The following GRM4 variants were observed in gnomAD, a reference collection of about 807,000 sequenced individuals.
GRM4 encodes glutamate metabotropic receptor 4, also known as metabotropic glutamate receptor 4.
GRM4 carries 28 observed loss-of-function variants against 81.7 expected under a neutral mutation model. The ratio of observed to expected loss-of-function variants is 0.34; its 90% CI spans 0.25 to 0.47. The LOEUF (loss-of-function observed/expected upper bound fraction) is 0.47. Among genes scored for constraint, GRM4 ranks in the 20% least tolerant of loss-of-function variants. The pLI is 1.00. For synonymous variants in GRM4, 488 were observed against 528.8 expected, an observed-to-expected ratio of 0.92 and a Z score of 1.06; for missense variants, 948 against 1,290.0, an observed-to-expected ratio of 0.73 and a Z score of 4.06.
intron 2 of GRM4, among the ~76,000 whole-genome samples, chr6:34,131,624 C>A (rs188355415): frequency 6.2e-4 from 94 of 152,314 alleles, no homozygotes; most frequent in African/African-American, 2.2e-3. Flanking sequence ...CTCACCCCCA[C>A]CCCAACACTG....
rs372450017 is a variant in GRM4 at position 34,042,668 on chromosome 6, C to G, written c.1169-1920G>C. Among the ~76,000 whole-genome samples, 1 of 152,216 alleles carries G rather than the reference C, an allele frequency of 6.6e-6. No homozygotes were observed. Among genetic ancestry groups the G allele is most frequent in the East Asian group, 1.9e-4 (1 of 5,202 alleles). ...CAGAGGGCAGCAGGGTGCACACCTG[C>G]ACCTGTGTCCTGCCCCCATAGGCCA... On this transcript the variant is annotated intron_variant, in intron 6 of 10. Transcript: ENST00000538487. This position sits in a 1 kb window ranked among gnomAD's most constrained non-coding sequence, Gnocchi z 4.2.
Position 34,120,846 on chromosome 6 carries a change from G to A in GRM4, c.519+12132C>T, listed in dbSNP as rs181799492. On this transcript the variant is annotated intron_variant, in intron 2 of 10. Transcript: ENST00000538487. ...CCTGACCTTGTGATCCGCCCACCTC[G>A]GCCTCCCAAAGTGCTTGGATTACAG... is the stretch of plus-strand genomic sequence containing the variant. Among the ~76,000 whole-genome samples, 9 of 152,212 alleles carry A rather than the reference G, an allele frequency of 5.9e-5. No homozygotes were observed. In the East Asian group the frequency reaches 9.7e-4, roughly 16 times the overall value.
chr6:34,033,824 G>A (rs556601916), intron 9 of GRM4, among the ~76,000 whole-genome samples: 85 of 151,996 alleles, frequency 5.6e-4, no homozygotes, highest in African/African-American at 2.0e-3. Context: ...TGCAACCTCC[G>A]TCTCCCAAGT....
intron 10 of GRM4, 143 bp downstream of exon 10, chr6:34,027,977 G>A: frequency 2.2e-6 from 2 of 900,558 alleles, no homozygotes; most frequent in Non-Finnish European, 3.3e-6. Context: ...TGTAGCCTCA[G>A]GGTTCCCCCA....
chr6:34,091,374 C>T (rs1265745256), intron 3 of GRM4, among the ~76,000 whole-genome samples: 3 of 152,140 alleles, frequency 2.0e-5, no homozygotes, highest in Non-Finnish European at 4.4e-5. Flanking sequence ...GCCAGAGTTC[C>T]TCAAACCCCA....
chr6:34,079,724 G>A (rs990510926), intron 3 of GRM4, among the ~76,000 whole-genome samples: 3 of 152,058 alleles, frequency 2.0e-5, no homozygotes, highest in African/African-American at 7.2e-5. Context: ...GCCTGGCCCC[G>A]CAACCCCTCA....
rs78934045 is a variant in GRM4, at chr6:34,064,182, G to T, written c.737-2154C>A. ...GTTTGATATTCTTGCAACTGCAAGAGATTCAGACCAGAAGGGAGTGCGGGG... is the reference window on the plus strand; with the variant it reads ...GTTTGATATTCTTGCAACTGCAAGATATTCAGACCAGAAGGGAGTGCGGGG... On this transcript the variant is annotated intron_variant, in intron 3 of 10. Transcript: ENST00000538487. This position sits in a 1 kb window ranked among gnomAD's most constrained non-coding sequence, Gnocchi z 4.4. Among the ~76,000 whole-genome samples the T allele has an allele frequency of 0.015, 2,320 of 152,240 alleles. 45 individuals carry two copies. Among genetic ancestry groups the T allele is most frequent in the African/African-American group, 0.05 (2,087 of 41,532 alleles).
In GRM4 at chr6:34,091,871, C is replaced by T. The variant is rs769253602; in HGVS notation, c.736+12G>A. ...AGCCTGGCATGACTCTGCGGCCAGG[C>T]GTTTGACTCACCGTCCTCACGGGAC... On this transcript the variant is annotated intron_variant, in intron 3 of 10. Transcript: ENST00000538487. 2.5e-5 allele frequency: 40 copies of T among 1,592,056 alleles called. No individual in the cohort carries two copies. The highest frequency in any genetic ancestry group is 3.4e-5 in the Non-Finnish European group (39 of 1,162,352).
intron 3 of GRM4, among the ~76,000 whole-genome samples, chr6:34,081,756 C>G (rs1020999314): frequency 6.6e-6 from 1 of 152,120 alleles, no homozygotes; most frequent in African/African-American, 2.4e-5. Context: ...AGGAAGGAAA[C>G]GGTGGGTTCA....
intron 2 of GRM4, among the ~76,000 whole-genome samples, chr6:34,100,383 T>C (rs1265535817): frequency 6.6e-6 from 1 of 152,232 alleles, no homozygotes; most frequent in Non-Finnish European, 1.5e-5. Context: ...CCCTCTGTGA[T>C]GGAGAGTGCA....
rs556369395 is a variant in GRM4, at chr6:34,140,301, C to A, written c.-364+5699G>T. 4.7e-5 allele frequency among the ~76,000 whole-genome samples: 7 copies of A among 149,702 alleles called. No homozygotes were observed. The South Asian group carries it at 1.5e-3, about 32-fold the overall frequency. Reference sequence around the variant, plus strand: ...GTTCGAGAATGAGCAAGGAGGCCAACGTGACCAGGGGGCAGTGGGGAGAGG... The same window carrying A: ...GTTCGAGAATGAGCAAGGAGGCCAAAGTGACCAGGGGGCAGTGGGGAGAGG... On this transcript the variant is annotated intron_variant, in intron 1 of 10. Transcript: ENST00000538487.
At chr6:34,033,895 G>GCCTGGATA (rs1764566639) in intron 9 of GRM4, among the ~76,000 whole-genome samples, 1 of 152,048 alleles carries the variant, frequency 6.6e-6, no homozygotes, top group African/African-American at 2.4e-5. Context: ...AAGCCACCAT[G>GCCTGGATA]CCTGGCTACG....
At chr6:34,122,018 G>A (rs1001425433) in intron 2 of GRM4, among the ~76,000 whole-genome samples, 4 of 152,048 alleles carry the variant, frequency 2.6e-5, no homozygotes, top group Admixed American at 6.5e-5. Context: ...TGAGATGCCC[G>A]AGGCCGTAAT....
chr6:34,142,336 C>T (rs1205848507), intron 1 of GRM4, among the ~76,000 whole-genome samples: 1 of 152,336 alleles, frequency 6.6e-6, no homozygotes, highest in East Asian at 1.9e-4. Flanking sequence ...GCCCAGCTGT[C>T]CAGGCTGCCA....
At position 34,092,974 on chromosome 6, in the gene GRM4, CCG is replaced by C. The variant is rs909664881; in HGVS notation, c.520-877_520-876del. On this transcript the variant is annotated intron_variant, in intron 2 of 10. Transcript: ENST00000538487. The surrounding 1 kb of genome is among the most constrained non-coding windows in gnomAD (Gnocchi z 6.8). ...GGGCGCCACCCACTGCTCTGCTCTC[CCG>C]GCTGCTCAGGGCTTGTGGGCTCCAC... Among the ~76,000 whole-genome samples, 7 of 152,274 alleles carry C rather than the reference CCG, an allele frequency of 4.6e-5. No individual in the cohort carries two copies. Among genetic ancestry groups the C allele is most frequent in the African/African-American group, 1.7e-4 (7 of 41,560 alleles).
At chr6:34,151,568 G>A (rs367639039) in intron 1 of GRM4, among the ~76,000 whole-genome samples, 1,932 of 152,220 alleles carry the variant, frequency 0.013, 32 homozygotes, top group African/African-American at 0.034. Flanking sequence ...GGCTCCGGGC[G>A]CCAGGGGGAG....
At chr6:34,056,238 A>G in intron 6 of GRM4, 1 of 303,484 alleles carries the variant, frequency 3.3e-6, no homozygotes, top group East Asian at 6.2e-5. Context: ...AAGACTGGAT[A>G]CAGGTTAGGA....
chr6:34,117,477 T>G (rs1769645024), intron 2 of GRM4, among the ~76,000 whole-genome samples: 1 of 152,086 alleles, frequency 6.6e-6, no homozygotes. Context: ...CATCCCTCCC[T>G]GCCAGCCTGG....
Position 34,071,263 on chromosome 6 carries a change from C to G in GRM4, c.737-9235G>C, listed in dbSNP as rs538060785. ...ACCCACACATCACCACACACATACA[C>G]ACACATCACCACAGAGATACACACC... On this transcript the variant is annotated intron_variant, in intron 3 of 10. Transcript: ENST00000538487. Among the ~76,000 whole-genome samples the G allele has an allele frequency of 2.5e-3, 379 of 149,742 alleles. 2 individuals carry two copies. The highest frequency in any genetic ancestry group is 8.8e-3 in the African/African-American group (357 of 40,410).
Sources: allele counts gnomAD v4.1 joint callset (sites outside exome capture counted in the v4.1 genomes callset), GRCh38; gene constraint gnomAD v4.1.1; non-coding constraint Gnocchi (gnomAD v3.1); transcripts MANE v1.5; gene names NCBI Gene and HGNC (gene_info 2026-07-23, HGNC 2026-07-21).